HELB: variants seen among roughly 807,000 people sequenced by gnomAD.
HELB encodes the protein DNA helicase B.
In HELB, 96 loss-of-function variants were observed where a neutral mutation model predicts 101.7. That is an observed-to-expected ratio of 0.94 (90% CI 0.80 to 1.12). The LOEUF (loss-of-function observed/expected upper bound fraction) is 1.12, where lower values mean the gene tolerates loss of function less well. Ranked by LOEUF, HELB falls within the 50% of genes most tolerant of loss-of-function variation. The pLI is 0.00. For synonymous variants in HELB, 437 were observed against 459.7 expected (o/e 0.95, Z 0.63); for missense variants, 1,210 against 1,291.9 (o/e 0.94, Z 0.97).
chr12:66,316,164 G>A (rs1306154730), intron 6 of HELB, among the ~76,000 whole-genome samples: 3 of 152,168 alleles, frequency 2.0e-5, no homozygotes, highest in Admixed American at 6.5e-5. Flanking sequence ...GTGCAGGTTT[G>A]TAGCCTAGGA....
intron 12 of HELB, among the ~76,000 whole-genome samples, chr12:66,333,832 G>A (rs949575367): frequency 1.3e-5 from 2 of 151,894 alleles, no homozygotes; most frequent in African/African-American, 4.8e-5. Context: ...TTCATTTGAG[G>A]GCTGGAAGCA....
At position 66,331,465 on chromosome 12, in the gene HELB, G is replaced by A. The variant is rs757512367; in HGVS notation, c.2982G>A (p.Met994Ile). Residue 994 changes from methionine (M) to isoleucine (I), a missense_variant, in exon 12 of 13, where the codon ATG becomes ATA. By Grantham distance (10) the Met-to-Ile change is conservative. Transcript: ENST00000247815. ...TCCCTGTAGTCACAGACCACGCCATGACAAATGATGTCACCTGGAGCGAGG... is the reference window on the plus strand; with the variant it reads ...TCCCTGTAGTCACAGACCACGCCATAACAAATGATGTCACCTGGAGCGAGG... ...SPLPVVTDHA[M>I]TNDVTWSEAS... 1 of 1,614,212 alleles carries A rather than the reference G, an allele frequency of 6.2e-7. No individual in the cohort carries two copies. The highest frequency in any genetic ancestry group is 8.5e-7 in the Non-Finnish European group (1 of 1,180,038).
chr12:66,328,728 T>A (rs1280026453), intron 11 of HELB, among the ~76,000 whole-genome samples: 1 of 152,224 alleles, frequency 6.6e-6, no homozygotes, highest in Non-Finnish European at 1.5e-5. Context: ...TAAATTGAAA[T>A]GTTCTGGTTG....
At chr12:66,330,837 C>A (rs1021566666) in intron 11 of HELB, among the ~76,000 whole-genome samples, 2 of 151,734 alleles carry the variant, frequency 1.3e-5, no homozygotes, top group African/African-American at 4.8e-5. Context: ...AACACATTTA[C>A]ACATGAAGCC....
chr12:66,317,288 C>T (rs1209365039), intron 6 of HELB, among the ~76,000 whole-genome samples: 1 of 152,118 alleles, frequency 6.6e-6, no homozygotes, highest in Non-Finnish European at 1.5e-5. Context: ...CCTCATGGCT[C>T]GTGGGCCAGA....
intron 6 of HELB, among the ~76,000 whole-genome samples, chr12:66,317,932 C>T (rs983972234): frequency 2.6e-5 from 4 of 152,082 alleles, no homozygotes; most frequent in Non-Finnish European, 5.9e-5. Context: ...TAGTTCTGTT[C>T]GAGGAGTCAA....
chr12:66,308,749 C>T (rs998529888), intron 3 of HELB, among the ~76,000 whole-genome samples: 2 of 152,122 alleles, frequency 1.3e-5, no homozygotes, highest in African/African-American at 4.8e-5. Flanking sequence ...GAGTAGGGCC[C>T]ATCTCGAGGA....
chr12:66,314,058 A>T lies in HELB; in HGVS notation c.1753A>T (p.Arg585Ter), dbSNP rs748166709. Residue 585 changes from arginine to a stop codon, truncating the protein, a stop_gained, in exon 5 of 13, where the codon AGA becomes TGA. Transcript: ENST00000247815. LOFTEE classifies it high-confidence loss of function. ...CAAACCATGGAAATTTTCTTCGGTTAGAGTTCTGGTTGTGGATGAAGGGAG... is the reference window on the plus strand; with the variant it reads ...CAAACCATGGAAATTTTCTTCGGTTTGAGTTCTGGTTGTGGATGAAGGGAG... ...TNKPWKFSSV[R>*]VLVVDEGSLV... 1 of 1,613,190 alleles carries T rather than the reference A, an allele frequency of 6.2e-7. No individual in the cohort carries two copies. Among genetic ancestry groups the T allele is most frequent in the East Asian group, 2.2e-5 (1 of 44,868 alleles).
Position 66,324,154 on chromosome 12 carries a change from G to A in HELB, c.2469G>A (p.Lys823=), listed in dbSNP as rs1218282178. The part of the protein sequence containing the change: ...SGTLPDFAKN[K]RDFESNVRLC... Reference sequence around the variant, plus strand: ...CGCTTCCTGATTTTGCTAAAAATAAGCGTGACTTTGAAAGTAACGTTCGAC... The same window carrying A: ...CGCTTCCTGATTTTGCTAAAAATAAACGTGACTTTGAAAGTAACGTTCGAC... Residue 823 remains lysine, a synonymous_variant, in exon 10 of 13, where the codon AAG becomes AAA. Coordinates refer to ENST00000247815, the MANE Select transcript of HELB (RefSeq NM_001370285.1). 1.9e-6 allele frequency: 3 copies of A among 1,613,750 alleles called. No homozygotes were observed. The African/African-American group carries it at 4.0e-5, about 22-fold the overall frequency.
intron 3 of HELB, among the ~76,000 whole-genome samples, chr12:66,307,902 T>A (rs559019666): frequency 6.6e-6 from 1 of 151,968 alleles, no homozygotes; most frequent in South Asian, 2.1e-4. Context: ...AGATAATTTT[T>A]GTATTTTTAG....
At chr12:66,307,797 G>T (rs11176138) in intron 3 of HELB, among the ~76,000 whole-genome samples, 102,803 of 149,962 alleles carry the variant, frequency 0.69, 35,882 homozygotes, top group Middle Eastern at 0.82. Flanking sequence ...AATGGTGTGA[G>T]CTCTGCTCAC....
rs191220887 is a variant in HELB, at chr12:66,304,651, G to A, written c.188-80G>A. On this transcript the variant is annotated intron_variant, in intron 1 of 12. Coordinates refer to ENST00000247815, the MANE Select transcript of HELB (RefSeq NM_001370285.1). ...GTAGGGAGATTAAAGATAGTGGTAA[G>A]TTTGATGAAACTTTGAGGAAACGGT... is the stretch of plus-strand genomic sequence containing the variant. 3.7e-6 allele frequency: 5 copies of A among 1,339,918 alleles called. No homozygotes were observed. In the Admixed American group the frequency reaches 1.2e-4, roughly 31 times the overall value. 83.0% of individuals were successfully genotyped at this position (1,339,918 alleles called of 1,614,324 possible). A position where few individuals can be genotyped will look rare whatever the true frequency, so the allele number is the denominator to read the frequency against.
At chr12:66,318,515 G>A (rs2053634958) in intron 6 of HELB, 123 bp from the exon 7 acceptor site, 1 of 817,358 alleles carries the variant, frequency 1.2e-6, no homozygotes, top group Non-Finnish European at 1.8e-6. Context: ...ATACCTGGAT[G>A]ACCTTTTCTC....
At position 66,309,714 on chromosome 12, in the gene HELB, C is replaced by A; in HGVS notation, c.786C>A (p.Tyr262Ter). Residue 262 changes from tyrosine to a stop codon, truncating the protein, a stop_gained, in exon 4 of 13, where the codon TAC becomes TAA. Coordinates refer to ENST00000247815, the MANE Select transcript of HELB (RefSeq NM_001370285.1). LOFTEE classifies it high-confidence loss of function. ...PWKLGFSKIT[Y>*]REWKLLRCEA... ...AACTTTATTTCTTAAAGATAACCTA[C>A]AGAGAGTGGAAACTCCTGCGATGTG... The A allele has an allele frequency of 6.2e-7, 1 of 1,602,610 alleles. No individual in the cohort carries two copies.
intron 12 of HELB, among the ~76,000 whole-genome samples, chr12:66,337,129 A>G (rs1449054048): frequency 6.6e-6 from 1 of 152,162 alleles, no homozygotes; most frequent in Admixed American, 6.5e-5. Context: ...AGGTGGATCC[A>G]GCACCATTAA....
intron 11 of HELB, among the ~76,000 whole-genome samples, chr12:66,327,993 A>G (rs1051499044): frequency 6.6e-6 from 1 of 152,188 alleles, no homozygotes; most frequent in Non-Finnish European, 1.5e-5. Context: ...GGAGCATTCC[A>G]GGTTGAGGAA....
chr12:66,323,909 T>C, intron 9 of HELB, 74 bp from the exon 10 acceptor site: 1 of 898,054 alleles, frequency 1.1e-6, no homozygotes, highest in Non-Finnish European at 1.8e-6. Flanking sequence ...CGAGTCTGAG[T>C]AGTAGTTAAT....
At chr12:66,322,699 AC>A (rs1311444624) in intron 8 of HELB, 24 bp from the exon 9 acceptor site, 1 of 1,561,698 alleles carries the variant, frequency 6.4e-7, no homozygotes. Context: ...CATTAAGGTG[AC>A]CCCTGCATTT....
chr12:66,332,212 G>T (rs2053818499), intron 12 of HELB, among the ~76,000 whole-genome samples: 1 of 152,044 alleles, frequency 6.6e-6, no homozygotes, highest in African/African-American at 2.4e-5. Flanking sequence ...CATCTTCCTA[G>T]TTACATGGCT....
Sources: allele counts gnomAD v4.1 joint callset (sites outside exome capture counted in the v4.1 genomes callset), GRCh38; gene constraint gnomAD v4.1.1; transcripts MANE v1.5; gene names NCBI Gene and HGNC (gene_info 2026-07-23, HGNC 2026-07-21).